ZNF106: variants seen among roughly 807,000 people sequenced by gnomAD.
ZNF106 encodes the protein zinc finger protein 106, also known as SH3-domain binding protein 3.
In ZNF106, 67 loss-of-function variants were observed where a neutral mutation model predicts 195.1. That is an observed-to-expected ratio of 0.34 (90% CI 0.28 to 0.42). The LOEUF is 0.42. Ranked by LOEUF, ZNF106 falls within the 10% of genes least tolerant of loss-of-function variation. The pLI, the probability that ZNF106 is intolerant of heterozygous loss-of-function variation, is 1.00. For missense variants in ZNF106, 2,118 were observed against 2,304.5 expected, an observed-to-expected ratio of 0.92 and a Z score of 1.66; for synonymous variants, 784 against 818.6, an observed-to-expected ratio of 0.96 and a Z score of 0.72.
chr15:42,476,570 G>T (rs892570351), intron 1 of ZNF106, among the ~76,000 whole-genome samples: 1 of 152,082 alleles, frequency 6.6e-6, no homozygotes, highest in Admixed American at 6.6e-5. Context: ...CAAAGTGCTG[G>T]GATTACAGGT....
chr15:42,459,247 G>A (rs1403752541), intron 3 of ZNF106, among the ~76,000 whole-genome samples: 1 of 152,016 alleles, frequency 6.6e-6, no homozygotes, highest in Non-Finnish European at 1.5e-5. Context: ...AGGCCGAGGC[G>A]GATGGATCAC....
intron 1 of ZNF106, among the ~76,000 whole-genome samples, chr15:42,489,093 A>AC (rs1555432730): frequency 7.0e-6 from 1 of 142,444 alleles, no homozygotes; most frequent in Non-Finnish European, 1.5e-5. Flanking sequence ...AAAAAAAAAC[A>AC]ACACACACAC....
In ZNF106 at chr15:42,416,568, T is replaced by C. The variant is rs1395256852; in HGVS notation, c.*736A>G. ...CAACAGCAGATGTAAAGGTAGACGT[T>C]AGGTCTACGCACTGCCTCACACTGA... On this transcript the variant is annotated 3_prime_UTR_variant, in exon 22 of 22. Coordinates refer to ENST00000564754, the MANE Select transcript of ZNF106 (RefSeq NM_001366845.3). 1 of 152,306 alleles carries C rather than the reference T, an allele frequency of 6.6e-6. No individual in the cohort carries two copies. Among genetic ancestry groups the C allele is most frequent in the Non-Finnish European group, 1.5e-5 (1 of 68,098 alleles). 9.4% of individuals were successfully genotyped at this position (152,306 alleles called of 1,614,324 possible).
chr15:42,435,878 G>C (rs1188857975), intron 13 of ZNF106, among the ~76,000 whole-genome samples: 1 of 151,940 alleles, frequency 6.6e-6, no homozygotes, highest in Non-Finnish European at 1.5e-5. Context: ...ATGAGCATTT[G>C]ATAAGCAGTT....
chr15:42,438,525 A>G, intron 12 of ZNF106, 87 bp downstream of exon 12: 2 of 1,178,238 alleles, frequency 1.7e-6, no homozygotes, highest in South Asian at 2.7e-5. Flanking sequence ...TTCTATAAAT[A>G]TATTTAAGTA....
In ZNF106 at chr15:42,491,028, A is replaced by C. The variant is rs1469201735; in HGVS notation, c.-81T>G. ...CCATCAGGCCGCCGAGAGCCAGGCG[A>C]GGGAGCTCCCTGACGCCTCAGACGC... On this transcript the variant is annotated 5_prime_UTR_variant, in exon 1 of 22. Transcript: ENST00000564754. 1 of 151,620 alleles carries C rather than the reference A, an allele frequency of 6.6e-6. No individual in the cohort carries two copies. Among genetic ancestry groups the C allele is most frequent in the African/African-American group, 2.4e-5 (1 of 41,222 alleles). 9.4% of individuals were successfully genotyped at this position (151,620 alleles called of 1,614,324 possible).
chr15:42,475,737 G>T (rs1027028551), intron 1 of ZNF106, among the ~76,000 whole-genome samples: 1 of 152,018 alleles, frequency 6.6e-6, no homozygotes, highest in Non-Finnish European at 1.5e-5. Context: ...AACATTTATT[G>T]AGCACTAAGC....
intron 14 of ZNF106, among the ~76,000 whole-genome samples, chr15:42,434,009 C>G (rs1291231040): frequency 1.3e-5 from 2 of 152,060 alleles, no homozygotes; most frequent in Non-Finnish European, 2.9e-5. Context: ...TCACCACACC[C>G]AGCTGATTTT....
chr15:42,446,694 T>G (rs759304884), intron 6 of ZNF106, 36 bp from the exon 7 acceptor site: 204 of 1,526,368 alleles, frequency 1.3e-4, no homozygotes, highest in Non-Finnish European at 1.8e-4. Context: ...AAATCCAATG[T>G]GTAAAAGCCA....
chr15:42,442,886 C>T (rs2055610392), intron 9 of ZNF106, among the ~76,000 whole-genome samples: 2 of 152,048 alleles, frequency 1.3e-5, no homozygotes, highest in South Asian at 2.1e-4. Context: ...CGGGTCCAAG[C>T]GATTCTCCTG....
intron 20 of ZNF106, among the ~76,000 whole-genome samples, chr15:42,419,706 C>G (rs979521608): frequency 1.3e-5 from 2 of 152,108 alleles, no homozygotes; most frequent in African/African-American, 4.8e-5. Flanking sequence ...CATCCCAGCA[C>G]TTTGGGAGGC....
chr15:42,414,531 C>G lies in ZNF106; in HGVS notation c.*2773G>C, dbSNP rs142009737. On this transcript the variant is annotated 3_prime_UTR_variant, in exon 22 of 22. Transcript: ENST00000564754. Reference sequence around the variant, plus strand: ...ACATACAAAGGAACCTGCACACTTGCACACACACAGGCAGGTATAGGCACA... The same window carrying G: ...ACATACAAAGGAACCTGCACACTTGGACACACACAGGCAGGTATAGGCACA... The G allele has an allele frequency of 6.6e-6, 1 of 152,372 alleles. No individual in the cohort carries two copies. The highest frequency in any genetic ancestry group is 1.5e-5 in the Non-Finnish European group (1 of 68,054). 9.4% of individuals were successfully genotyped at this position (152,372 alleles called of 1,614,324 possible). A position where few individuals can be genotyped will look rare whatever the true frequency, so the allele number is the denominator to read the frequency against.
At chr15:42,480,211 G>A (rs2056870822) in intron 1 of ZNF106, among the ~76,000 whole-genome samples, 1 of 152,054 alleles carries the variant, frequency 6.6e-6, no homozygotes, top group African/African-American at 2.4e-5. Context: ...ATCCATTTTT[G>A]CTTCATGTAT....
At position 42,458,903 on chromosome 15, in the gene ZNF106, G is replaced by T. The variant is rs539881595; in HGVS notation, c.117-1745C>A. ...GACAAAGTTTAAACACTCAAACAAT[G>T]CCCAGTAAGTTTAAAAAAACAACAC... On this transcript the variant is annotated intron_variant, in intron 3 of 21. Transcript: ENST00000564754. 1.6e-4 allele frequency among the ~76,000 whole-genome samples: 24 copies of T among 151,514 alleles called. No individual in the cohort carries two copies. In the South Asian group the frequency reaches 5.0e-3, roughly 32 times the overall value.
At chr15:42,428,897 G>A (rs992690911) in intron 14 of ZNF106, among the ~76,000 whole-genome samples, 3 of 151,708 alleles carry the variant, frequency 2.0e-5, no homozygotes, top group Non-Finnish European at 4.4e-5. Context: ...CCGAGTAGCT[G>A]GGACCACAGG....
intron 1 of ZNF106, among the ~76,000 whole-genome samples, chr15:42,483,968 T>G (rs1246001962): frequency 6.6e-6 from 1 of 152,192 alleles, no homozygotes; most frequent in Non-Finnish European, 1.5e-5. Context: ...TGAAACCCTA[T>G]CTCTTCTTTA....
In ZNF106 at chr15:42,439,546, G is replaced by C. The variant is rs759659069; in HGVS notation, c.4031C>G (p.Pro1344Arg). The change falls in exon 11 of 22, where the codon CCT (proline) becomes CGT (arginine). Residue 1344 changes from proline (P) to arginine (R), a missense_variant. Pro to Arg is a moderately radical substitution (Grantham distance 103). Transcript: ENST00000564754. ...TGGAGAGTGGGGTTCCTTCTCCAAAGGGGTTTCTGAAGCAAAAGACAATCT... is the reference window on the plus strand; with the variant it reads ...TGGAGAGTGGGGTTCCTTCTCCAAACGGGTTTCTGAAGCAAAAGACAATCT... ...FLRLSFASETPLEKEPHSPAD... is the reference protein window; with the variant it reads ...FLRLSFASETRLEKEPHSPAD... 3.1e-6 allele frequency: 5 copies of C among 1,614,198 alleles called. No individual in the cohort carries two copies. The Admixed American group carries it at 8.3e-5, about 27-fold the overall frequency.
In ZNF106 at chr15:42,444,951, A is replaced by T; in HGVS notation, c.3236T>A (p.Ile1079Asn). The T allele has an allele frequency of 6.2e-7, 1 of 1,614,196 alleles. No individual in the cohort carries two copies. Among genetic ancestry groups the T allele is most frequent in the Non-Finnish European group, 8.5e-7 (1 of 1,180,036 alleles). The change falls in exon 8 of 22, where the codon ATT becomes AAT. Residue 1079 changes from isoleucine to asparagine, a missense_variant. Ile to Asn is a moderately radical substitution (Grantham distance 149). Transcript: ENST00000564754. ...ACTAAGTTCTTCCTCCCTTAAAGAA[A>T]TATTCAGCAGCTGGTCAACCTGAGA... Reference protein sequence around the residue: ...ERSQVDQLLNISLREEELSKS... With the variant: ...ERSQVDQLLNNSLREEELSKS...
chr15:42,473,089 G>T (rs2056713090), intron 1 of ZNF106, among the ~76,000 whole-genome samples: 1 of 151,676 alleles, frequency 6.6e-6, no homozygotes, highest in African/African-American at 2.4e-5. Flanking sequence ...TCTGAAATCT[G>T]AAATGATCCA....
Sources: gnomAD v4.1 joint callset for allele counts (sites outside exome capture counted in the v4.1 genomes callset) on GRCh38, gnomAD v4.1.1 for gene constraint, MANE v1.5 for transcripts, NCBI Gene and HGNC (gene_info 2026-07-23, HGNC 2026-07-21) for gene names.